SYNE2: variants seen among roughly 807,000 people sequenced by gnomAD.
The protein encoded by SYNE2 is spectrin repeat containing nuclear envelope protein 2, also known as nesprin-2.
A neutral mutation model predicts 856.3 loss-of-function variants in SYNE2; 431 were observed. The ratio of observed to expected loss-of-function variants is 0.50; its 90% CI spans 0.47 to 0.55. The LOEUF is 0.55. Ranked by LOEUF, SYNE2 falls within the 20% of genes least tolerant of loss-of-function variation. SYNE2 has a pLI of 0.00. For synonymous variants in SYNE2, 2,923 were observed against 2,872.3 expected (o/e 1.02, Z -0.56); for missense variants, 8,129 against 8,023.2 (o/e 1.01, Z -0.50).
At position 63,941,928 on chromosome 14, in the gene SYNE2, T is replaced by C; in HGVS notation, c.281T>C (p.Ile94Thr). 6.2e-7 allele frequency: 1 copy of C among 1,613,264 alleles called. No homozygotes were observed. Among genetic ancestry groups the C allele is most frequent in the Non-Finnish European group, 8.5e-7 (1 of 1,179,942 alleles). The change falls in exon 5 of 116, where the codon ATA becomes ACA. Residue 94 changes from isoleucine to threonine, a missense_variant. By Grantham distance (89) the Ile-to-Thr change is moderately conservative (BLOSUM62 -1). This residue lies in a region of SYNE2 where 2,422 missense variants were observed against 2,357.4 expected (regional missense o/e 1.03). Coordinates refer to ENST00000555002, the MANE Select transcript of SYNE2 (RefSeq NM_182914.3). Reference sequence around the variant, plus strand: ...AATACCTTCCAGTGTAGAATCAATATAGAACATGCCTTGACATTCCTAAGA... The same window carrying C: ...AATACCTTCCAGTGTAGAATCAATACAGAACATGCCTTGACATTCCTAAGA... Reference protein sequence around the residue: ...GSNTFQCRINIEHALTFLRNR... With the variant: ...GSNTFQCRINTEHALTFLRNR...
intron 51 of SYNE2, among the ~76,000 whole-genome samples, chr14:64,066,690 G>A (rs2097361053): frequency 6.6e-6 from 1 of 152,134 alleles, no homozygotes; most frequent in African/African-American, 2.4e-5. Flanking sequence ...TTTTGGTTGG[G>A]GCTGCTGGCA....
chr14:64,079,546 C>A (rs1318606789), intron 55 of SYNE2, among the ~76,000 whole-genome samples: 1 of 152,162 alleles, frequency 6.6e-6, no homozygotes, highest in Non-Finnish European at 1.5e-5. Context: ...CTTAAGCAAA[C>A]ATTAAGAATT....
intron 65 of SYNE2, among the ~76,000 whole-genome samples, chr14:64,111,833 T>C (rs1038123653): frequency 1.3e-5 from 2 of 151,556 alleles, no homozygotes; most frequent in Non-Finnish European, 2.9e-5. Flanking sequence ...AAAAAGAAAA[T>C]TAAAACAGTT....
At position 64,122,003 on chromosome 14, in the gene SYNE2, C is replaced by A; in HGVS notation, c.13159-9C>A. ...TGGATTGGACCATTTGAATCTCATTCAATTACAGGTTCTGGAGTTAAAACC... is the reference window on the plus strand; with the variant it reads ...TGGATTGGACCATTTGAATCTCATTAAATTACAGGTTCTGGAGTTAAAACC... On this transcript the variant is annotated splice_polypyrimidine_tract_variant and intron_variant, in intron 68 of 115. Coordinates refer to ENST00000555002, the MANE Select transcript of SYNE2 (RefSeq NM_182914.3). 1 of 1,613,082 alleles carries A rather than the reference C, an allele frequency of 6.2e-7. No homozygotes were observed. Among genetic ancestry groups the A allele is most frequent in the South Asian group, 1.1e-5 (1 of 91,058 alleles).
intron 57 of SYNE2, among the ~76,000 whole-genome samples, chr14:64,084,023 C>G (rs763074201): frequency 8.6e-5 from 13 of 151,532 alleles, no homozygotes; most frequent in Non-Finnish European, 1.3e-4. Flanking sequence ...CTCCCAGGTT[C>G]AAGTGATTCT....
At chr14:63,939,352 T>C (rs892212181) in intron 2 of SYNE2, among the ~76,000 whole-genome samples, 3 of 149,162 alleles carry the variant, frequency 2.0e-5, no homozygotes, top group Admixed American at 6.6e-5. Context: ...TTTTTCTTTT[T>C]TTTTTTTTTT....
chr14:63,852,164 T>C (rs966435019), upstream of SYNE2, among the ~76,000 whole-genome samples: 4 of 152,000 alleles, frequency 2.6e-5, no homozygotes, highest in African/African-American at 9.7e-5. Context: ...AGAAACTCAA[T>C]AGAGAAATAT....
At chr14:63,823,201 G>A (rs948046146) in intron 1 of SYNE2, among the ~76,000 whole-genome samples, 3 of 150,246 alleles carry the variant, frequency 2.0e-5, no homozygotes, top group South Asian at 2.1e-4. Context: ...TTTTTGAGAC[G>A]GAGTTTCATT....
At chr14:64,189,940 G>T in intron 98 of SYNE2, 131 bp from the exon 99 acceptor site, 3 of 1,005,828 alleles carry the variant, frequency 3.0e-6, no homozygotes, top group Non-Finnish European at 2.9e-6. Flanking sequence ...TGGGATTATT[G>T]GTATGAGCCA....
intron 1 of SYNE2, among the ~76,000 whole-genome samples, chr14:63,844,442 AC>A (rs1402323580): frequency 1.3e-5 from 2 of 152,216 alleles, no homozygotes; most frequent in Non-Finnish European, 2.9e-5. Flanking sequence ...CTTGGTTGCT[AC>A]CAAGTTTTGG....
At chr14:64,040,348 AAAG>A (rs1339490557) in intron 45 of SYNE2, among the ~76,000 whole-genome samples, 2 of 152,092 alleles carry the variant, frequency 1.3e-5, no homozygotes, top group East Asian at 1.9e-4. Context: ...GTAATTAAAA[AAAG>A]AAGAAATTGA....
chr14:63,834,117 C>G (rs1030859375), intron 1 of SYNE2, among the ~76,000 whole-genome samples: 3 of 152,110 alleles, frequency 2.0e-5, no homozygotes, highest in Non-Finnish European at 4.4e-5. Context: ...ATACATATAG[C>G]AAAGAATATT....
intron 35 of SYNE2, among the ~76,000 whole-genome samples, chr14:64,020,954 TACTC>T (rs1251317248): frequency 6.6e-6 from 1 of 152,192 alleles, no homozygotes; most frequent in Non-Finnish European, 1.5e-5. Context: ...ACATCATAAA[TACTC>T]AATAAAAAGC....
At chr14:64,059,994 G>C (rs547242999) in intron 49 of SYNE2, among the ~76,000 whole-genome samples, 1 of 152,272 alleles carries the variant, frequency 6.6e-6, no homozygotes, top group African/African-American at 2.4e-5. Flanking sequence ...AAGGCTCAAG[G>C]GGTCTTCAGT....
At chr14:64,173,519 T>G (rs2098420460) in intron 94 of SYNE2, among the ~76,000 whole-genome samples, 2 of 152,220 alleles carry the variant, frequency 1.3e-5, no homozygotes, top group African/African-American at 4.8e-5. Context: ...CTGTTGATGT[T>G]TATCAGCTCC....
chr14:63,923,829 C>T (rs933714909), intron 2 of SYNE2, among the ~76,000 whole-genome samples: 2 of 150,852 alleles, frequency 1.3e-5, no homozygotes, highest in African/African-American at 4.9e-5. Context: ...GAGACAGTGT[C>T]TCACTGTCAC....
rs995943370 is a variant in SYNE2 at position 64,036,349 on chromosome 14, C to T, written c.7221+4992C>T. ...TCACCCAGGCTGGAGTGCAGTGGCGCGATCTTGGCTCACTGCAACCTCTGC... is the reference window on the plus strand; with the variant it reads ...TCACCCAGGCTGGAGTGCAGTGGCGTGATCTTGGCTCACTGCAACCTCTGC... On this transcript the variant is annotated intron_variant, in intron 45 of 115. Transcript: ENST00000555002. Among the ~76,000 whole-genome samples, 13 of 152,218 alleles carry T rather than the reference C, an allele frequency of 8.5e-5. 1 individual carries two copies. The highest frequency in any genetic ancestry group is 5.9e-4 in the Admixed American group (9 of 15,284).
chr14:63,939,876 G>C (rs940349327), intron 2 of SYNE2, among the ~76,000 whole-genome samples: 2 of 152,132 alleles, frequency 1.3e-5, no homozygotes, highest in Admixed American at 6.5e-5. Context: ...TTAATTCAGT[G>C]GCGATATATT....
chr14:64,166,952 A>T, intron 90 of SYNE2: 1 of 450,152 alleles, frequency 2.2e-6, no homozygotes, highest in Non-Finnish European at 4.1e-6. Context: ...AAAATAAAAA[A>T]GCCTATTTTC....
Sources: gnomAD v4.1 joint callset for allele counts (sites outside exome capture counted in the v4.1 genomes callset) on GRCh38, gnomAD v4.1.1 for gene constraint, gnomAD v4.1.1 regional missense constraint, MANE v1.5 for transcripts, NCBI Gene and HGNC (gene_info 2026-07-23, HGNC 2026-07-21) for gene names.